The following ULK4 variants were observed in gnomAD, a reference collection of about 807,000 sequenced individuals.
ULK4 encodes the protein inactive serine/threonine-protein kinase ULK4.
A neutral mutation model predicts 160.6 loss-of-function variants in ULK4; 133 were observed. The observed-to-expected ratio is 0.83, with a 90% CI of 0.72 to 0.96. The LOEUF (loss-of-function observed/expected upper bound fraction) is 0.96. Ranked by LOEUF, ULK4 falls within the 40% of genes least tolerant of loss-of-function variation. The pLI, the probability that ULK4 is intolerant of heterozygous loss-of-function variation, is 0.00. For missense variants in ULK4, 1,580 were observed against 1,499.5 expected (o/e 1.05, Z -0.89); for synonymous variants, 534 against 539.8 (o/e 0.99, Z 0.15).
chr3:41,798,213 G>C (rs2040358018), intron 20 of ULK4, among the ~76,000 whole-genome samples: 1 of 152,194 alleles, frequency 6.6e-6, no homozygotes, highest in Admixed American at 6.5e-5. Flanking sequence ...CTGAGTATAA[G>C]GATGAAAATC....
chr3:41,832,777 C>A (rs7649688), intron 18 of ULK4, among the ~76,000 whole-genome samples: 10,989 of 152,214 alleles, frequency 0.072, 1,251 homozygotes, highest in African/African-American at 0.24. Flanking sequence ...GTTTCCCCAG[C>A]ACCATTTATT....
At chr3:41,576,859 T>G (rs2088206856) in intron 31 of ULK4, among the ~76,000 whole-genome samples, 1 of 152,202 alleles carries the variant, frequency 6.6e-6, no homozygotes, top group South Asian at 2.1e-4. Flanking sequence ...CTGAAACAAA[T>G]TTTAATGAAA....
rs139628122 is a variant in ULK4, at chr3:41,557,400, T to C, written c.3226+8625A>G. Among the ~76,000 whole-genome samples the C allele has an allele frequency of 2.8e-3, 418 of 151,806 alleles. 4 individuals are homozygous for C. The highest frequency in any genetic ancestry group is 9.6e-3 in the African/African-American group (399 of 41,490). On this transcript the variant is annotated intron_variant, in intron 32 of 36. Transcript: ENST00000301831. ...GAAAATCACCTAAAAACTATTAATA[T>C]AAAAAAAGAATTAATATATGTACAA...
chr3:41,413,438 A>G (rs1028079882), intron 34 of ULK4, among the ~76,000 whole-genome samples: 5 of 152,230 alleles, frequency 3.3e-5, no homozygotes, highest in African/African-American at 1.2e-4. Flanking sequence ...AATGAATGAC[A>G]AAAGGAAAAA....
At chr3:41,324,582 A>G (rs1459028071) in intron 35 of ULK4, among the ~76,000 whole-genome samples, 1 of 152,224 alleles carries the variant, frequency 6.6e-6, no homozygotes, top group South Asian at 2.1e-4. Context: ...AGGCACTTAG[A>G]GTGCAGACAA....
chr3:41,604,440 T>A (rs1186173176), intron 31 of ULK4, among the ~76,000 whole-genome samples: 1 of 152,034 alleles, frequency 6.6e-6, no homozygotes, highest in Non-Finnish European at 1.5e-5. Context: ...AAAAACAGAA[T>A]GTAGGAAGCT....
intron 17 of ULK4, among the ~76,000 whole-genome samples, chr3:41,841,093 C>T (rs999251232): frequency 1.4e-5 from 2 of 147,206 alleles, no homozygotes; most frequent in African/African-American, 5.1e-5. Context: ...AGCGCCTCTG[C>T]CCAGCCGCCA....
intron 2 of ULK4, among the ~76,000 whole-genome samples, chr3:41,945,610 ATGACATATGAATT>A (rs1296803444): frequency 1.3e-5 from 2 of 152,288 alleles, no homozygotes; most frequent in East Asian, 3.9e-4. Context: ...CTATATGCTG[ATGACATATGAATT>A]TGACATATAA....
intron 32 of ULK4, among the ~76,000 whole-genome samples, chr3:41,549,475 T>G (rs56289557): frequency 0.061 from 9,277 of 152,056 alleles, 843 homozygotes; most frequent in African/African-American, 0.2. Flanking sequence ...AGAAAGGTCT[T>G]GAAATAACCC....
intron 32 of ULK4, among the ~76,000 whole-genome samples, chr3:41,528,753 C>T (rs1007814172): frequency 1.3e-5 from 2 of 152,090 alleles, no homozygotes; most frequent in Non-Finnish European, 2.9e-5. Flanking sequence ...ATGTATATAT[C>T]GAGTTCAATA....
intron 32 of ULK4, among the ~76,000 whole-genome samples, chr3:41,537,138 A>G (rs2086530635): frequency 6.6e-6 from 1 of 151,990 alleles, no homozygotes; most frequent in Non-Finnish European, 1.5e-5. Flanking sequence ...TGTGGTGTCT[A>G]TTAGCTCCTG....
At chr3:41,443,155 T>C (rs939453203) in intron 34 of ULK4, among the ~76,000 whole-genome samples, 2 of 152,208 alleles carry the variant, frequency 1.3e-5, no homozygotes, top group Non-Finnish European at 2.9e-5. Flanking sequence ...GCAGATAAGT[T>C]CATTCTCACC....
chr3:41,617,360 T>G (rs934817239), intron 30 of ULK4, among the ~76,000 whole-genome samples: 34 of 152,218 alleles, frequency 2.2e-4, no homozygotes, highest in African/African-American at 8.0e-4. Context: ...AGACACCTCA[T>G]ACAGGAGAGC....
chr3:41,659,023 A>G (rs2035048904), intron 30 of ULK4, among the ~76,000 whole-genome samples: 1 of 152,204 alleles, frequency 6.6e-6, no homozygotes, highest in African/African-American at 2.4e-5. Flanking sequence ...ATAATTGTGT[A>G]CCATTTTCAA....
chr3:41,791,085 C>T (rs982844426), intron 20 of ULK4, among the ~76,000 whole-genome samples: 1 of 152,070 alleles, frequency 6.6e-6, no homozygotes, highest in Non-Finnish European at 1.5e-5. Context: ...CATAAAAAGA[C>T]TTTGAAAAAT....
intron 32 of ULK4, among the ~76,000 whole-genome samples, chr3:41,488,859 G>A (rs189776683): frequency 1.3e-5 from 2 of 152,176 alleles, no homozygotes; most frequent in East Asian, 3.9e-4. Context: ...GATGACTCTG[G>A]CACAGGGGCA....
Position 41,800,296 on chromosome 3 carries a change from A to G in ULK4, c.1849-3T>C. The G allele has an allele frequency of 6.2e-7, 1 of 1,607,594 alleles. No individual in the cohort carries two copies. The highest frequency in any genetic ancestry group is 2.2e-5 in the East Asian group (1 of 44,810). On this transcript the variant is annotated splice_region_variant and splice_polypyrimidine_tract_variant and intron_variant, in intron 19 of 36. Transcript: ENST00000301831. ...ATGTGATTCACAACACGCTCTTCCT[A>G]TAGAGAAAGGAGATTAAAATAATAT...
At chr3:41,331,500 G>GT (rs1343119773) in intron 35 of ULK4, among the ~76,000 whole-genome samples, 4 of 152,118 alleles carry the variant, frequency 2.6e-5, no homozygotes, top group Non-Finnish European at 5.9e-5. Context: ...TCTGTCTAAG[G>GT]TTTTTCCAAT....
intron 32 of ULK4, among the ~76,000 whole-genome samples, chr3:41,552,367 C>T (rs187771993): frequency 5.1e-4 from 78 of 151,958 alleles, no homozygotes; most frequent in Admixed American, 3.5e-3. Flanking sequence ...AATAACTAAA[C>T]ACTCCAACCA....
Sources: gnomAD v4.1 joint callset for allele counts (sites outside exome capture counted in the v4.1 genomes callset) on GRCh38, gnomAD v4.1.1 for gene constraint, MANE v1.5 for transcripts, NCBI Gene and HGNC (gene_info 2026-07-23, HGNC 2026-07-21) for gene names.